PSMD14: variants seen among roughly 807,000 people sequenced by gnomAD.
PSMD14 encodes the protein proteasome 26S subunit, non-ATPase 14, also known as ubiquitin C-terminal hydrolase PSMD14.
A neutral mutation model predicts 41.2 loss-of-function variants in PSMD14; 7 were observed. The observed-to-expected ratio is 0.17, with a 90% CI of 0.10 to 0.32. The LOEUF is 0.32. Among genes scored for constraint, PSMD14 ranks in the 10% least tolerant of loss-of-function variants. The pLI is 1.00. For synonymous variants in PSMD14, 114 were observed against 122.3 expected, an observed-to-expected ratio of 0.93 and a Z score of 0.45; for missense variants, 139 against 375.6, an observed-to-expected ratio of 0.37 and a Z score of 5.21.
At chr2:161,316,602 A>G (rs1689150620) in intron 2 of PSMD14, 33 bp downstream of exon 2, 1 of 152,192 alleles carries the variant, frequency 6.6e-6, no homozygotes, top group Non-Finnish European at 1.5e-5. Context: ...ACTTTTAATT[A>G]TTATTTTACG....
intron 10 of PSMD14, among the ~76,000 whole-genome samples, chr2:161,405,183 C>T (rs956668499): frequency 1.8e-4 from 28 of 152,144 alleles, no homozygotes; most frequent in Admixed American, 1.3e-4. Context: ...TGCTCTTCTT[C>T]CACATCCAGC....
At chr2:161,311,722 C>T (rs1291761003) in intron 1 of PSMD14, among the ~76,000 whole-genome samples, 2 of 150,414 alleles carry the variant, frequency 1.3e-5, no homozygotes, top group Non-Finnish European at 3.0e-5. Flanking sequence ...GCCTCCACCT[C>T]CCAGGCTGCC....
At chr2:161,401,011 A>G (rs1393018211) in intron 10 of PSMD14, among the ~76,000 whole-genome samples, 1 of 152,214 alleles carries the variant, frequency 6.6e-6, no homozygotes, top group East Asian at 1.9e-4. Flanking sequence ...CACCATTCTC[A>G]GTTAAGAAAG....
chr2:161,356,338 A>C (rs116062779), intron 3 of PSMD14, among the ~76,000 whole-genome samples: 46 of 152,322 alleles, frequency 3.0e-4, no homozygotes, highest in African/African-American at 1.1e-3. Context: ...GTTTAATACA[A>C]AATTAAAGTA....
chr2:161,403,335 C>G (rs1229402342), intron 10 of PSMD14, among the ~76,000 whole-genome samples: 1 of 152,054 alleles, frequency 6.6e-6, no homozygotes, highest in East Asian at 1.9e-4. Context: ...AAAAAACAGA[C>G]TAGGCAAATC....
At chr2:161,326,384 A>AAAC (rs534526085) in intron 3 of PSMD14, among the ~76,000 whole-genome samples, 41 of 152,274 alleles carry the variant, frequency 2.7e-4, no homozygotes, top group Admixed American at 6.5e-4. Context: ...TATCCAAATT[A>AAAC]AACAACAACA....
chr2:161,309,598 G>A (rs1490115789), intron 1 of PSMD14, among the ~76,000 whole-genome samples: 1 of 152,140 alleles, frequency 6.6e-6, no homozygotes, highest in East Asian at 1.9e-4. Flanking sequence ...TTCCTGTCAC[G>A]TAAGGCTACC....
At chr2:161,370,074 A>G (rs1388310271) in intron 5 of PSMD14, 33 bp from the exon 6 acceptor site, 1 of 1,484,878 alleles carries the variant, frequency 6.7e-7, no homozygotes, top group East Asian at 2.5e-5. Context: ...CAAATTTACA[A>G]AAATTAATAA....
At chr2:161,355,520 G>T (rs1574127652) in intron 3 of PSMD14, among the ~76,000 whole-genome samples, 1 of 152,012 alleles carries the variant, frequency 6.6e-6, no homozygotes. Flanking sequence ...TCATTATTTT[G>T]ACATTTCCAT....
intron 3 of PSMD14, among the ~76,000 whole-genome samples, chr2:161,325,253 GGC>G (rs1280173681): frequency 6.6e-6 from 1 of 152,104 alleles, no homozygotes; most frequent in Non-Finnish European, 1.5e-5. Flanking sequence ...GATCCCAGAA[GGC>G]TTCCTGAATG....
chr2:161,329,256 T>C (rs1221213232), intron 3 of PSMD14, among the ~76,000 whole-genome samples: 2 of 152,314 alleles, frequency 1.3e-5, no homozygotes, highest in East Asian at 3.9e-4. Flanking sequence ...ATTTTTATTC[T>C]ATATCTGCTA....
chr2:161,373,393 G>T (rs1455899958), intron 7 of PSMD14, among the ~76,000 whole-genome samples: 3 of 151,720 alleles, frequency 2.0e-5, no homozygotes, highest in African/African-American at 7.3e-5. Flanking sequence ...CTTGAAATAA[G>T]GATCCAGTTC....
intron 3 of PSMD14, among the ~76,000 whole-genome samples, chr2:161,364,848 A>G (rs972498287): frequency 2.0e-5 from 3 of 152,132 alleles, no homozygotes; most frequent in African/African-American, 7.2e-5. Context: ...TCACGCCTGT[A>G]ATGCTAGCAC....
At chr2:161,319,746 T>C (rs1189170067) in intron 3 of PSMD14, among the ~76,000 whole-genome samples, 2 of 152,200 alleles carry the variant, frequency 1.3e-5, no homozygotes, top group Non-Finnish European at 2.9e-5. Flanking sequence ...AAGTAATCTG[T>C]GTTTACTATA....
intron 7 of PSMD14, among the ~76,000 whole-genome samples, chr2:161,379,657 C>A (rs1388232750): frequency 6.6e-6 from 1 of 151,872 alleles, no homozygotes; most frequent in Admixed American, 6.6e-5. Context: ...GATCAGATGC[C>A]AAAATGAAAT....
At position 161,326,730 on chromosome 2, in the gene PSMD14, C is replaced by T. The variant is rs549924872; in HGVS notation, c.48+7857C>T. Among the ~76,000 whole-genome samples the T allele has an allele frequency of 9.9e-5, 15 of 152,246 alleles. No individual in the cohort carries two copies. In the South Asian group the frequency reaches 2.9e-3, roughly 29 times the overall value. On this transcript the variant is annotated intron_variant, in intron 3 of 11. Transcript: ENST00000409682. ...TTAGTATCCTCGGGGGATTGATTCT[C>T]GGACCTCTGATGATACCAAAATCTA... is the stretch of plus-strand genomic sequence containing the variant.
chr2:161,395,023 A>T, intron 9 of PSMD14, 55 bp from the exon 10 acceptor site: 1 of 1,453,228 alleles, frequency 6.9e-7, no homozygotes, highest in Non-Finnish European at 9.1e-7. Flanking sequence ...TCTCTAGACA[A>T]TGAAGGGGGT....
intron 3 of PSMD14, chr2:161,341,338 C>A: frequency 9.9e-7 from 1 of 1,010,432 alleles, no homozygotes; most frequent in Non-Finnish European, 1.2e-6. Context: ...GCGCCGCGGC[C>A]GCCGAGTGCC....
intron 3 of PSMD14, among the ~76,000 whole-genome samples, chr2:161,355,276 T>C (rs1683179867): frequency 6.6e-6 from 1 of 152,202 alleles, no homozygotes; most frequent in South Asian, 2.1e-4. Flanking sequence ...TGATTTATTA[T>C]GCAAGGTACA....
Sources: gnomAD v4.1 joint callset for allele counts (sites outside exome capture counted in the v4.1 genomes callset) on GRCh38, gnomAD v4.1.1 for gene constraint, MANE v1.5 for transcripts, NCBI Gene and HGNC (gene_info 2026-07-23, HGNC 2026-07-21) for gene names.